SEC24D: variants seen among roughly 807,000 people sequenced by gnomAD.
SEC24D encodes the protein protein transport protein Sec24D.
In SEC24D, 69 loss-of-function variants were observed where a neutral mutation model predicts 116.9. That is an observed-to-expected ratio of 0.59 (90% CI 0.49 to 0.72). The LOEUF is 0.72. SEC24D is among the 30% of genes least tolerant of loss of function. The probability of loss-of-function intolerance (pLI) is 0.00; values close to 1 mark genes in which losing one functional copy is unlikely to be tolerated. For synonymous variants in SEC24D, 405 were observed against 442.8 expected, an observed-to-expected ratio of 0.91 and a Z score of 1.07; for missense variants, 1,131 against 1,264.1, an observed-to-expected ratio of 0.89 and a Z score of 1.60.
At position 118,775,262 on chromosome 4, in the gene SEC24D, T is replaced by C. The variant is rs898744235; in HGVS notation, c.1042-6951A>G. ...ACCTGAGACAGGGGTCGGTCAATGG[T>C]TTCTGAATGAAAAAACACAACAGCT... is the stretch of plus-strand genomic sequence containing the variant. On this transcript the variant is annotated intron_variant, in intron 8 of 22. Coordinates refer to ENST00000280551, the MANE Select transcript of SEC24D (RefSeq NM_014822.4). 2.0e-5 allele frequency among the ~76,000 whole-genome samples: 3 copies of C among 151,034 alleles called. No individual in the cohort carries two copies. The East Asian group carries it at 5.8e-4, about 29-fold the overall frequency.
At chr4:118,732,664 T>C in intron 20 of SEC24D, 69 bp downstream of exon 20, 1 of 1,417,992 alleles carries the variant, frequency 7.1e-7, no homozygotes, top group Non-Finnish European at 9.8e-7. Flanking sequence ...AGATATAACA[T>C]ACGGGAAAGC....
intron 9 of SEC24D, among the ~76,000 whole-genome samples, chr4:118,765,437 C>T (rs1727600128): frequency 6.6e-6 from 1 of 152,188 alleles, no homozygotes; most frequent in Non-Finnish European, 1.5e-5. Flanking sequence ...GGAAAGACTA[C>T]ACCACTAAGA....
intron 12 of SEC24D, among the ~76,000 whole-genome samples, chr4:118,752,420 G>C (rs1220998913): frequency 6.6e-6 from 1 of 152,094 alleles, no homozygotes; most frequent in Non-Finnish European, 1.5e-5. Flanking sequence ...ATAGGAAATA[G>C]CTCCCTTGCG....
At chr4:118,743,358 C>T (rs72669453) in intron 15 of SEC24D, among the ~76,000 whole-genome samples, 6,264 of 53,984 alleles carry the variant, frequency 0.12, 357 homozygotes, top group African/African-American at 0.2. Flanking sequence ...TATATATATA[C>T]ACACACACAC....
At chr4:118,793,466 CAAAAAAAAAA>C (rs70944815) in intron 8 of SEC24D, among the ~76,000 whole-genome samples, 7 of 69,296 alleles carry the variant, frequency 1.0e-4, no homozygotes, top group African/African-American at 3.7e-4. Flanking sequence ...GACTCCGTCT[CAAAAAAAAAA>C]AAAAAAAAAA....
chr4:118,810,009 A>G (rs2110518041), intron 6 of SEC24D, among the ~76,000 whole-genome samples: 1 of 151,474 alleles, frequency 6.6e-6, no homozygotes. Context: ...AAGGAACAAC[A>G]AAGAGGCTGG....
rs1259256496 is a variant in SEC24D, at chr4:118,798,694, A to G, written c.914-884T>C. ...TAGAAGGTGATAAATGCTGTGAAAAAAGCATATCTAGTGAAGGGGTACCAA... is the reference window on the plus strand; with the variant it reads ...TAGAAGGTGATAAATGCTGTGAAAAGAGCATATCTAGTGAAGGGGTACCAA... On this transcript the variant is annotated intron_variant, in intron 7 of 22. Transcript: ENST00000280551. Among the ~76,000 whole-genome samples, 4 of 152,258 alleles carry G rather than the reference A, an allele frequency of 2.6e-5. No individual in the cohort carries two copies. In the East Asian group the frequency reaches 7.7e-4, roughly 29 times the overall value.
At chr4:118,826,768 A>C (rs1473298830) in intron 2 of SEC24D, among the ~76,000 whole-genome samples, 1 of 152,152 alleles carries the variant, frequency 6.6e-6, no homozygotes, top group Non-Finnish European at 1.5e-5. Flanking sequence ...ATGCAAGCAG[A>C]ACTTTATACA....
chr4:118,803,450 C>T (rs1162715842), intron 7 of SEC24D, among the ~76,000 whole-genome samples: 1 of 152,158 alleles, frequency 6.6e-6, no homozygotes, highest in Non-Finnish European at 1.5e-5. Flanking sequence ...TACACTTGCT[C>T]ACTGAAGACA....
chr4:118,742,786 A>AT (rs1183166494), intron 15 of SEC24D, among the ~76,000 whole-genome samples: 1 of 151,986 alleles, frequency 6.6e-6, no homozygotes, highest in Admixed American at 6.5e-5. Flanking sequence ...TTAGAGGTAC[A>AT]CCCCTGACCC....
intron 22 of SEC24D, among the ~76,000 whole-genome samples, chr4:118,723,866 C>T (rs1213542261): frequency 6.6e-6 from 1 of 151,986 alleles, no homozygotes; most frequent in Non-Finnish European, 1.5e-5. Flanking sequence ...TTTTAAGTGG[C>T]AAAAATGAAA....
rs762792369 is a variant in SEC24D, at chr4:118,805,843, C to A, written c.913G>T (p.Gly305Ter). 2 of 1,516,540 alleles carry A rather than the reference C, an allele frequency of 1.3e-6. No homozygotes were observed. Among genetic ancestry groups the A allele is most frequent in the Admixed American group, 2.5e-5 (1 of 40,662 alleles). 93.9% of individuals were successfully genotyped at this position (1,516,540 alleles called of 1,614,324 possible). Reference sequence around the variant, plus strand: ...AAATGGCATAATTAAAAACAAATACCTTGGTCTTGTATCATGCAATCTGTA... The same window carrying A: ...AAATGGCATAATTAAAAACAAATACATTGGTCTTGTATCATGCAATCTGTA... Reference protein sequence around the residue: ...VTTDCMIQDQGNASPRFIRCT... With the variant: ...VTTDCMIQDQ Residue 305 changes from glycine (G) to a stop codon, truncating the protein, a stop_gained and splice_region_variant, in exon 7 of 23, where the codon GGA (glycine) becomes TGA (stop). Coordinates refer to ENST00000280551, the MANE Select transcript of SEC24D (RefSeq NM_014822.4). LOFTEE classifies it high-confidence loss of function.
intron 8 of SEC24D, among the ~76,000 whole-genome samples, chr4:118,774,319 T>C (rs1416927975): frequency 1.3e-5 from 2 of 152,288 alleles, no homozygotes; most frequent in Admixed American, 6.5e-5. Context: ...TTCTTTTCAT[T>C]GAAAAATACT....
chr4:118,730,197 T>G (rs1725612192), intron 21 of SEC24D: 1 of 152,234 alleles, frequency 6.6e-6, no homozygotes, highest in East Asian at 1.9e-4. Context: ...AACTTTTATA[T>G]AAACATTCTT....
chr4:118,815,988 A>G (rs923985654), intron 4 of SEC24D, among the ~76,000 whole-genome samples: 30 of 151,994 alleles, frequency 2.0e-4, no homozygotes, highest in African/African-American at 7.0e-4. Context: ...ATGGCAAGAT[A>G]ATGGACCACT....
intron 10 of SEC24D, among the ~76,000 whole-genome samples, chr4:118,763,581 C>T (rs565778544): frequency 3.9e-5 from 6 of 152,218 alleles, no homozygotes; most frequent in Admixed American, 2.0e-4. Flanking sequence ...TTCAGATATG[C>T]GCTGAAATCT....
chr4:118,817,467 G>A lies in SEC24D; in HGVS notation c.249-55C>T, dbSNP rs116575241. The A allele has an allele frequency of 5.1e-4, 738 of 1,460,292 alleles. 5 individuals carry two copies. The African/African-American group carries it at 8.4e-3, about 17-fold the overall frequency. The allele number at this position is 1,460,292 out of a possible 1,614,324, so 90.5% of individuals were successfully genotyped here. On this transcript the variant is annotated intron_variant, in intron 3 of 22. Coordinates refer to ENST00000280551, the MANE Select transcript of SEC24D (RefSeq NM_014822.4). ...TATCACAGCGTCTCAAGCAAATGGC[G>A]TACAATAATGTTAATAGCTTGTAAA...
intron 13 of SEC24D, among the ~76,000 whole-genome samples, chr4:118,749,208 A>C (rs925485140): frequency 3.5e-4 from 53 of 152,210 alleles, no homozygotes; most frequent in Non-Finnish European, 6.8e-4. Flanking sequence ...CTATGAGTAC[A>C]AGATGCTGTG....
rs1725678074 is a variant in SEC24D at position 118,731,405 on chromosome 4, T to C, written c.2779A>G (p.Met927Val). Reference protein sequence around the residue: ...GIFLLANGLHMFLWLGVSSPP... With the variant: ...GIFLLANGLHVFLWLGVSSPP... ...CTGCTTACTCCCAACCACAGGAACA[T>C]GTGTAGACCATTAGCCAGTAAGAAT... Residue 927 changes from methionine (M) to valine (V), a missense_variant, in exon 21 of 23, where the codon ATG (methionine) becomes GTG (valine). By Grantham distance (21) the Met-to-Val change is conservative. Coordinates refer to ENST00000280551, the MANE Select transcript of SEC24D (RefSeq NM_014822.4). The C allele has an allele frequency of 2.5e-6, 4 of 1,614,120 alleles. No homozygotes were observed. Among genetic ancestry groups the C allele is most frequent in the African/African-American group, 1.3e-5 (1 of 75,054 alleles).
Sources: allele counts gnomAD v4.1 joint callset (sites outside exome capture counted in the v4.1 genomes callset), GRCh38; gene constraint gnomAD v4.1.1; transcripts MANE v1.5; gene names NCBI Gene and HGNC (gene_info 2026-07-23, HGNC 2026-07-21).